SGCD: variants seen among roughly 807,000 people sequenced by gnomAD.
SGCD encodes sarcoglycan delta.
A neutral mutation model predicts 36.6 loss-of-function variants in SGCD; 18 were observed. The ratio of observed to expected loss-of-function variants is 0.49; its 90% CI spans 0.34 to 0.73. The LOEUF (loss-of-function observed/expected upper bound fraction) is 0.73. Ranked by LOEUF, SGCD falls within the 30% of genes least tolerant of loss-of-function variation. SGCD has a pLI of 0.01. For synonymous variants in SGCD, 133 were observed against 130.6 expected (o/e 1.02, Z -0.12); for missense variants, 387 against 346.7 (o/e 1.12, Z -0.92).
At chr5:156,623,812 T>C (rs1041957633) in intron 6 of SGCD, among the ~76,000 whole-genome samples, 1 of 152,208 alleles carries the variant, frequency 6.6e-6, no homozygotes, top group African/African-American at 2.4e-5. Context: ...GAAAATGACT[T>C]TCTCTCTTGA....
At chr5:156,306,326 A>G (rs969364115) in intron 3 of SGCD, among the ~76,000 whole-genome samples, 1 of 152,048 alleles carries the variant, frequency 6.6e-6, no homozygotes, top group African/African-American at 2.4e-5. Context: ...TGGTTCCATA[A>G]GGGGGGGTTT....
Position 156,604,922 on chromosome 5 carries a change from T to C in SGCD, c.502+9871T>C, listed in dbSNP as rs559359862. Among the ~76,000 whole-genome samples the C allele has an allele frequency of 3.3e-5, 5 of 151,486 alleles. No individual in the cohort carries two copies. The South Asian group carries it at 1.0e-3, about 31-fold the overall frequency. ...TCTTAACCACTAATTTTAGTTGTTA[T>C]TGTTTTTGACTGTGTTGACTTTTAG... On this transcript the variant is annotated intron_variant, in intron 6 of 8. Transcript: ENST00000337851.
chr5:156,569,318 A>G (rs1211089254), intron 4 of SGCD, among the ~76,000 whole-genome samples: 1 of 152,106 alleles, frequency 6.6e-6, no homozygotes, highest in Non-Finnish European at 1.5e-5. Context: ...TCAGCCGGGC[A>G]TGGTAGCACA....
intron 3 of SGCD, among the ~76,000 whole-genome samples, chr5:156,230,528 A>G (rs1315654591): frequency 6.6e-6 from 1 of 152,118 alleles, no homozygotes; most frequent in African/African-American, 2.4e-5. Context: ...CCTGTGAACC[A>G]TCTGTGGGTC....
At chr5:156,342,271 A>G (rs1768700296) in intron 2 of SGCD, among the ~76,000 whole-genome samples, 1 of 152,258 alleles carries the variant, frequency 6.6e-6, no homozygotes, top group South Asian at 2.1e-4. Context: ...ATATAGTGGC[A>G]ATATCACCAG....
intron 7 of SGCD, among the ~76,000 whole-genome samples, chr5:156,695,483 CGATAGATAGATAGATAGATAGATAGATG>C (rs1274486086): frequency 3.4e-4 from 47 of 137,834 alleles, no homozygotes; most frequent in African/African-American, 1.3e-3. Flanking sequence ...CAACCTCTCT[CGATAGATAGATAGATAGATAGATAGATG>C]GATAGATAGA....
At chr5:156,581,480 G>A (rs892484663) in intron 4 of SGCD, among the ~76,000 whole-genome samples, 5 of 152,206 alleles carry the variant, frequency 3.3e-5, no homozygotes, top group Non-Finnish European at 4.4e-5. Flanking sequence ...GTTTAAGTCT[G>A]CAAAAGTTTC....
At chr5:156,521,545 A>T (rs1757405502) in intron 4 of SGCD, among the ~76,000 whole-genome samples, 1 of 152,228 alleles carries the variant, frequency 6.6e-6, no homozygotes, top group Non-Finnish European at 1.5e-5. Flanking sequence ...AAGGACACGA[A>T]CAGACAGTTC....
the SGCD span, among the ~76,000 whole-genome samples, chr5:155,819,470 G>A: frequency 6.6e-6 from 1 of 152,172 alleles, no homozygotes; most frequent in South Asian, 2.1e-4. Flanking sequence ...ACTTAATAAT[G>A]GTAATAATAA....
intron 7 of SGCD, among the ~76,000 whole-genome samples, chr5:156,729,576 T>C (rs1755954740): frequency 6.6e-6 from 1 of 152,336 alleles, no homozygotes; most frequent in Non-Finnish European, 1.5e-5. Flanking sequence ...CAATGAATAT[T>C]ACTAAATGAT....
rs565454308 is a variant in SGCD, at chr5:156,578,374, C to CT, written c.295-10849dup. ...ATCAGGGATATTGGTCTAAAATTCT[C>CT]TTTTTTTTGTAGTGTCTCTGCCAGG... On this transcript the variant is annotated intron_variant, in intron 4 of 8. Transcript: ENST00000337851. Among the ~76,000 whole-genome samples, 9 of 152,056 alleles carry CT rather than the reference C, an allele frequency of 5.9e-5. 1 individual carries two copies. The highest frequency in any genetic ancestry group is 3.9e-4 in the East Asian group (2 of 5,182).
At position 156,537,500 on chromosome 5, in the gene SGCD, CACACACAG is replaced by C. The variant is rs1335207094; in HGVS notation, c.294+28799_294+28806del. Among the ~76,000 whole-genome samples the C allele has an allele frequency of 5.5e-4, 81 of 146,704 alleles. 1 individual carries two copies. Among genetic ancestry groups the C allele is most frequent in the African/African-American group, 2.0e-3 (78 of 39,588 alleles). On this transcript the variant is annotated intron_variant, in intron 4 of 8. Transcript: ENST00000337851. ...ACACACACACACACACACACACACA[CACACACAG>C]GTATATATATATTTTCACAGGTCCC...
chr5:155,820,669 C>G, the SGCD span, among the ~76,000 whole-genome samples: 1 of 151,858 alleles, frequency 6.6e-6, no homozygotes, highest in Admixed American at 6.6e-5. Flanking sequence ...TGCACTTCAG[C>G]CTGAGTGACA....
At chr5:155,793,953 GAAA>G in the SGCD span, among the ~76,000 whole-genome samples, 27 of 100,358 alleles carry the variant, frequency 2.7e-4, no homozygotes, top group Admixed American at 8.3e-4. Context: ...AAGCAAAAAT[GAAA>G]AAAAAAAAAA....
At chr5:156,175,281 C>T (rs1763437810) in intron 3 of SGCD, among the ~76,000 whole-genome samples, 1 of 152,028 alleles carries the variant, frequency 6.6e-6, no homozygotes, top group Non-Finnish European at 1.5e-5. Context: ...CAAGGGTTAA[C>T]TATGCCTGTC....
chr5:156,387,105 C>G (rs935448935), intron 3 of SGCD, among the ~76,000 whole-genome samples: 29 of 152,268 alleles, frequency 1.9e-4, no homozygotes, highest in African/African-American at 7.0e-4. Flanking sequence ...ATGAGTTTGC[C>G]TCCCATTTCC....
At chr5:155,938,836 G>C (rs1048716585) in intron 1 of SGCD, among the ~76,000 whole-genome samples, 1 of 152,166 alleles carries the variant, frequency 6.6e-6, no homozygotes, top group African/African-American at 2.4e-5. Context: ...TAAGACAACT[G>C]TTAAACTGAG....
At chr5:155,836,646 A>T in the SGCD span, among the ~76,000 whole-genome samples, 1 of 152,202 alleles carries the variant, frequency 6.6e-6, no homozygotes, top group Non-Finnish European at 1.5e-5. Flanking sequence ...TCCACTTGAC[A>T]TTAACCTTCT....
chr5:155,971,182 A>G (rs1758000854), intron 1 of SGCD, among the ~76,000 whole-genome samples: 1 of 152,182 alleles, frequency 6.6e-6, no homozygotes, highest in Non-Finnish European at 1.5e-5. Context: ...TGGTTTTTAT[A>G]ACTTCTATAG....
Sources: gnomAD v4.1 joint callset for allele counts (sites outside exome capture counted in the v4.1 genomes callset) on GRCh38, gnomAD v4.1.1 for gene constraint, MANE v1.5 for transcripts, NCBI Gene and HGNC (gene_info 2026-07-23, HGNC 2026-07-21) for gene names.